Variants in SCYL3 observed in about 807,000 individuals in gnomAD.
SCYL3 encodes the protein SCY1 like pseudokinase 3, also known as protein-associating with the carboxyl-terminal domain of ezrin.
In SCYL3, 35 loss-of-function variants were observed where a neutral mutation model predicts 73.8. The observed-to-expected ratio is 0.47, with a 90% CI of 0.36 to 0.63. The LOEUF (loss-of-function observed/expected upper bound fraction) is 0.63, where lower values mean the gene tolerates loss of function less well. Among genes scored for constraint, SCYL3 ranks in the 20% least tolerant of loss-of-function variants. The pLI is 0.00. For synonymous variants in SCYL3, 277 were observed against 295.2 expected, an observed-to-expected ratio of 0.94 and a Z score of 0.63; for missense variants, 712 against 798.9, an observed-to-expected ratio of 0.89 and a Z score of 1.31.
At chr1:169,886,698 G>A (rs1022750523) in intron 2 of SCYL3, among the ~76,000 whole-genome samples, 1 of 152,144 alleles carries the variant, frequency 6.6e-6, no homozygotes. Flanking sequence ...TTACATATAT[G>A]AGTCATCATC....
intron 11 of SCYL3, among the ~76,000 whole-genome samples, chr1:169,856,412 C>T (rs996895902): frequency 5.3e-5 from 8 of 152,142 alleles, no homozygotes; most frequent in East Asian, 1.9e-4. Flanking sequence ...CATTTAACCC[C>T]CAACTGGGGA....
chr1:169,883,120 A>G (rs1558143034), intron 2 of SCYL3, among the ~76,000 whole-genome samples: 1 of 152,054 alleles, frequency 6.6e-6, no homozygotes, highest in African/African-American at 2.4e-5. Context: ...CAGAAGGAAG[A>G]AACTCCGAAC....
intron 1 of SCYL3, among the ~76,000 whole-genome samples, chr1:169,889,776 G>C (rs1221813937): frequency 6.6e-6 from 1 of 152,144 alleles, no homozygotes; most frequent in Non-Finnish European, 1.5e-5. Flanking sequence ...ATGGTAACGG[G>C]TGATTATGTC....
chr1:169,869,258 C>T, intron 6 of SCYL3: 1 of 526,108 alleles, frequency 1.9e-6, no homozygotes, highest in Non-Finnish European at 3.4e-6. Flanking sequence ...AGGTGCCATT[C>T]CCTTCTATAC....
intron 4 of SCYL3, 30 bp downstream of exon 4, chr1:169,875,948 G>C: frequency 6.8e-7 from 1 of 1,469,022 alleles, no homozygotes; most frequent in Non-Finnish European, 9.4e-7. Context: ...TAAAAACCAA[G>C]TAAGGAAGGG....
intron 9 of SCYL3, among the ~76,000 whole-genome samples, chr1:169,863,919 A>G (rs927437203): frequency 1.3e-5 from 2 of 152,222 alleles, no homozygotes; most frequent in African/African-American, 4.8e-5. Context: ...ATAAAATTGT[A>G]AAATTCCAAA....
In SCYL3 at chr1:169,851,250, T is replaced by A; in HGVS notation, c.*2463A>T. ...ACAAATTTAGACTACCAGGAGAAAC[T>A]GAATTATTTGATATATTACATGTAA... is the stretch of plus-strand genomic sequence containing the variant. On this transcript the variant is annotated 3_prime_UTR_variant, in exon 13 of 13. Transcript: ENST00000367771. 6.5e-6 allele frequency: 1 copy of A among 153,124 alleles called. No homozygotes were observed. The allele number at this position is 153,124 out of a possible 1,614,324, so 9.5% of individuals were successfully genotyped here.
At chr1:169,860,533 CTGGTTTCCTCATTTATATAGTAAGA>C (rs900211522) in intron 10 of SCYL3, among the ~76,000 whole-genome samples, 5 of 152,150 alleles carry the variant, frequency 3.3e-5, no homozygotes, top group African/African-American at 1.2e-4. Flanking sequence ...TTTTTCTGGC[CTGGTTTCCTCATTTATATAGTAAGA>C]TTAAAGGTTT....
chr1:169,873,706 G>A lies in SCYL3; in HGVS notation c.512C>T (p.Pro171Leu). Residue 171 changes from proline (P) to leucine (L), a missense_variant, in exon 5 of 13, where the codon CCT (proline) becomes CTT (leucine). Physicochemically the swap from Pro to Leu is moderately conservative, Grantham distance 98. Around this residue, in one of 2 missense-constraint regions of SCYL3, gnomAD observed 342 missense variants for 448.1 expected, o/e 0.76. Coordinates refer to ENST00000367771, the MANE Select transcript of SCYL3 (RefSeq NM_020423.7). ...QSIRDPASIP[P>L]EEMSPEFTTL... ...AGTATATCATCTTACCATCTCTTCAGGAGGGATAGATGCTGGGTCTCTTAT... is the reference window on the plus strand; with the variant it reads ...AGTATATCATCTTACCATCTCTTCAAGAGGGATAGATGCTGGGTCTCTTAT... 1.2e-6 allele frequency: 2 copies of A among 1,601,232 alleles called. No individual in the cohort carries two copies. The highest frequency in any genetic ancestry group is 1.7e-5 in the Admixed American group (1 of 59,778).
Position 169,851,608 on chromosome 1 carries a change from A to G in SCYL3, c.*2105T>C. 4 of 613,494 alleles carry G rather than the reference A, an allele frequency of 6.5e-6. No individual in the cohort carries two copies. The highest frequency in any genetic ancestry group is 1.1e-5 in the Non-Finnish European group (4 of 365,840). 38.0% of individuals were successfully genotyped at this position (613,494 alleles called of 1,614,324 possible). Reference sequence around the variant, plus strand: ...CAGACTATCATTTTTTCCTGCAAAGACAACTCTATAACTAACTATTTTGTA... The same window carrying G: ...CAGACTATCATTTTTTCCTGCAAAGGCAACTCTATAACTAACTATTTTGTA... On this transcript the variant is annotated 3_prime_UTR_variant, in exon 13 of 13. Coordinates refer to ENST00000367771, the MANE Select transcript of SCYL3 (RefSeq NM_020423.7).
At position 169,852,985 on chromosome 1, in the gene SCYL3, T is replaced by C; in HGVS notation, c.*728A>G. On this transcript the variant is annotated 3_prime_UTR_variant, in exon 13 of 13. Transcript: ENST00000367771. The stretch of plus-strand genomic sequence containing the variant: ...AAAACGTTACATACATACTCTAGGG[T>C]GAAACTTATCACTAGGCAGAACTGG... 1 of 1,613,660 alleles carries C rather than the reference T, an allele frequency of 6.2e-7. No individual in the cohort carries two copies.
intron 7 of SCYL3, among the ~76,000 whole-genome samples, chr1:169,868,486 C>T (rs1415709031): frequency 6.6e-6 from 1 of 152,214 alleles, no homozygotes; most frequent in Admixed American, 6.5e-5. Context: ...TCTTCCATCA[C>T]ATATTACTAG....
rs750446675 is a variant in SCYL3, at chr1:169,852,039, T to C, written c.*1674A>G. On this transcript the variant is annotated 3_prime_UTR_variant, in exon 13 of 13. Transcript: ENST00000367771. Reference sequence around the variant, plus strand: ...GTGTGGTTTCCAGCCTTATGCTGAATTTCAAATCAAATAGATCTAGACATG... The same window carrying C: ...GTGTGGTTTCCAGCCTTATGCTGAACTTCAAATCAAATAGATCTAGACATG... 6.6e-7 allele frequency: 1 copy of C among 1,519,294 alleles called. No homozygotes were observed. The highest frequency in any genetic ancestry group is 9.1e-7 in the Non-Finnish European group (1 of 1,104,110). 94.1% of individuals were successfully genotyped at this position (1,519,294 alleles called of 1,614,324 possible).
rs554391904 is a variant in SCYL3 at position 169,851,402 on chromosome 1, G to A, written c.*2311C>T. On this transcript the variant is annotated 3_prime_UTR_variant, in exon 13 of 13. Coordinates refer to ENST00000367771, the MANE Select transcript of SCYL3 (RefSeq NM_020423.7). ...CTGTCGCCCAGATTGGAGTGTGGTG[G>A]TGTGATCATAGCTCGCTATAACCTC... The A allele has an allele frequency of 1.5e-4, 24 of 157,420 alleles. No individual in the cohort carries two copies. The South Asian group carries it at 4.7e-3, about 31-fold the overall frequency. The allele number at this position is 157,420 out of a possible 1,614,324, so 9.8% of individuals were successfully genotyped here.
intron 10 of SCYL3, 126 bp from the exon 11 acceptor site, chr1:169,859,338 C>G: frequency 1.1e-6 from 1 of 870,864 alleles, no homozygotes; most frequent in Non-Finnish European, 1.7e-6. Flanking sequence ...GATATGTGTT[C>G]CAGGTCAGTG....
chr1:169,853,097 AAAT>A lies in SCYL3; in HGVS notation c.*613_*615del. Reference sequence around the variant, plus strand: ...AATTTTGTAAAGTTGAATCTAGTGAAAATAATCTTTATTTGACATTTAGAGAAC... The same window carrying A: ...AATTTTGTAAAGTTGAATCTAGTGAAAATCTTTATTTGACATTTAGAGAAC... On this transcript the variant is annotated 3_prime_UTR_variant, in exon 13 of 13. Transcript: ENST00000367771. 1.0e-6 allele frequency: 1 copy of A among 1,000,608 alleles called. No individual in the cohort carries two copies. The highest frequency in any genetic ancestry group is 1.5e-6 in the Non-Finnish European group (1 of 669,880). 62.0% of individuals were successfully genotyped at this position (1,000,608 alleles called of 1,614,324 possible).
chr1:169,852,596 T>C lies in SCYL3; in HGVS notation c.*1117A>G. 1 of 594,810 alleles carries C rather than the reference T, an allele frequency of 1.7e-6. No homozygotes were observed. Among genetic ancestry groups the C allele is most frequent in the East Asian group, 2.8e-5 (1 of 35,536 alleles). The allele number at this position is 594,810 out of a possible 1,614,324, so 36.8% of individuals were successfully genotyped here. A position where few individuals can be genotyped will look rare whatever the true frequency, so the allele number is the denominator to read the frequency against. On this transcript the variant is annotated 3_prime_UTR_variant, in exon 13 of 13. Transcript: ENST00000367771. ...AACTAAGACACTGGTAGTAGCACTC[T>C]GAATTGCTATGATAAACCAAAATGC... is the stretch of plus-strand genomic sequence containing the variant.
intron 5 of SCYL3, among the ~76,000 whole-genome samples, chr1:169,871,450 C>A (rs1301043761): frequency 1.3e-5 from 2 of 152,192 alleles, no homozygotes; most frequent in Non-Finnish European, 2.9e-5. Flanking sequence ...TCCCCAGCCA[C>A]GTGGAACTTT....
In SCYL3 at chr1:169,869,438, A is replaced by G. The variant is rs377620373; in HGVS notation, c.626-399T>C. On this transcript the variant is annotated intron_variant, in intron 6 of 12. Transcript: ENST00000367771. ...GATAGTAAATAATTGCTACCATTCT[A>G]AATACATAGAATAGTTAGTTCATTA... Among the ~76,000 whole-genome samples, 10 of 152,354 alleles carry G rather than the reference A, an allele frequency of 6.6e-5. No individual in the cohort carries two copies. The East Asian group carries it at 1.2e-3, about 18-fold the overall frequency.
Sources: gnomAD v4.1 joint callset for allele counts (sites outside exome capture counted in the v4.1 genomes callset) on GRCh38, gnomAD v4.1.1 for gene constraint, gnomAD v4.1.1 regional missense constraint, MANE v1.5 for transcripts, NCBI Gene and HGNC (gene_info 2026-07-23, HGNC 2026-07-21) for gene names.